Variants in SLC27A4 observed in about 807,000 individuals in gnomAD.
SLC27A4 encodes the protein long-chain fatty acid transport protein 4.
Under a neutral mutation model 64.4 loss-of-function variants are expected in SLC27A4, and 33 were observed. The observed-to-expected ratio is 0.51, with a 90% confidence interval of 0.39 to 0.68. The LOEUF (loss-of-function observed/expected upper bound fraction) is 0.68. SLC27A4 is among the 30% of genes least tolerant of loss of function. The pLI, the probability that SLC27A4 is intolerant of heterozygous loss-of-function variation, is 0.00. For synonymous variants in SLC27A4, 377 were observed against 370.0 expected (o/e 1.02, Z -0.22); for missense variants, 824 against 883.5 (o/e 0.93, Z 0.85).
intron 1 of SLC27A4, chr9:128,342,847 G>A (rs1832596928): frequency 1.8e-6 from 1 of 543,884 alleles, no homozygotes; most frequent in Non-Finnish European, 3.4e-6. Context: ...TCTTGCCCAA[G>A]GTCACTTGGA....
intron 4 of SLC27A4, among the ~76,000 whole-genome samples, chr9:128,349,169 C>A (rs1416093292): frequency 6.6e-6 from 1 of 152,210 alleles, no homozygotes; most frequent in Admixed American, 6.5e-5. Context: ...CCTGACCCCA[C>A]CTCCAGGCAG....
At chr9:128,346,247 G>C (rs1239406140) in intron 3 of SLC27A4, among the ~76,000 whole-genome samples, 2 of 147,448 alleles carry the variant, frequency 1.4e-5, no homozygotes, top group East Asian at 4.0e-4. Context: ...TGTTGTTGTT[G>C]TTTTGAGATA....
chr9:128,346,876 G>A (rs888503499), intron 3 of SLC27A4, among the ~76,000 whole-genome samples: 4 of 151,926 alleles, frequency 2.6e-5, no homozygotes, highest in East Asian at 2.0e-4. Context: ...ATGGTGGTGC[G>A]CACCTGTAGT....
At chr9:128,344,813 C>G (rs986557752) in intron 2 of SLC27A4, among the ~76,000 whole-genome samples, 15 of 152,154 alleles carry the variant, frequency 9.9e-5, no homozygotes, top group African/African-American at 3.6e-4. Context: ...TCTGCTGGAG[C>G]AGCAGGCTGA....
intron 1 of SLC27A4, among the ~76,000 whole-genome samples, chr9:128,341,388 C>T (rs1832569265): frequency 6.6e-6 from 1 of 152,204 alleles, no homozygotes. Context: ...CCCAAGAGTC[C>T]TAGCTCAACC....
chr9:128,349,849 A>G (rs145234829), intron 4 of SLC27A4, among the ~76,000 whole-genome samples: 10 of 152,270 alleles, frequency 6.6e-5, no homozygotes, highest in Admixed American at 3.3e-4. Context: ...TCCTGCAGCT[A>G]ATGCCTCCCT....
chr9:128,350,646 T>C, intron 6 of SLC27A4, 71 bp downstream of exon 6: 1 of 1,178,344 alleles, frequency 8.5e-7, no homozygotes, highest in Non-Finnish European at 1.2e-6. Context: ...CATCAGGCAG[T>C]GTGCTGCAGT....
At chr9:128,350,016 C>G (rs1832710094) in intron 4 of SLC27A4, among the ~76,000 whole-genome samples, 1 of 152,208 alleles carries the variant, frequency 6.6e-6, no homozygotes, top group African/African-American at 2.4e-5. Flanking sequence ...TGCCTGTGTC[C>G]TCATCTGACT....
At position 128,354,375 on chromosome 9, in the gene SLC27A4, T is replaced by C. The variant is rs143438734; in HGVS notation, c.1325-678T>C. ...CTCACTGTGCCTAAGTCCCCTTATCTACAAACTGTGCCCATGGCAGCACCC... is the reference window on the plus strand; with the variant it reads ...CTCACTGTGCCTAAGTCCCCTTATCCACAAACTGTGCCCATGGCAGCACCC... On this transcript the variant is annotated intron_variant, in intron 9 of 12. Coordinates refer to ENST00000300456, the MANE Select transcript of SLC27A4 (RefSeq NM_005094.4). Among the ~76,000 whole-genome samples the C allele has an allele frequency of 1.4e-3, 216 of 152,256 alleles. 1 individual carries two copies. The highest frequency in any genetic ancestry group is 2.3e-3 in the Non-Finnish European group (157 of 68,022).
intron 3 of SLC27A4, among the ~76,000 whole-genome samples, chr9:128,348,047 G>C (rs554008646): frequency 6.6e-6 from 1 of 152,154 alleles, no homozygotes; most frequent in Non-Finnish European, 1.5e-5. Context: ...TGTGATGTCC[G>C]TGCAGTGCGC....
chr9:128,342,840 T>C, intron 1 of SLC27A4: 1 of 533,834 alleles, frequency 1.9e-6, no homozygotes, highest in Non-Finnish European at 3.4e-6. Flanking sequence ...GAAAAGGTCT[T>C]GCCCAAGGTC....
rs138008274 is a variant in SLC27A4 at position 128,360,515 on chromosome 9, G to C, written c.*24G>C. On this transcript the variant is annotated 3_prime_UTR_variant, in exon 13 of 13. Coordinates refer to ENST00000300456, the MANE Select transcript of SLC27A4 (RefSeq NM_005094.4). ...GATTCCCCCCATCCCTCTGAGGGCC[G>C]GCGGATGCTGGATCCGGAGCCCCAG... The C allele has an allele frequency of 6.2e-7, 1 of 1,612,408 alleles. No individual in the cohort carries two copies. Among genetic ancestry groups the C allele is most frequent in the Non-Finnish European group, 8.5e-7 (1 of 1,179,662 alleles).
chr9:128,342,206 C>G lies in SLC27A4; in HGVS notation c.-6-921C>G, dbSNP rs199920819. ...ACCAGACTTCGCTCGTTCTCGCATG[C>G]CTCGCTCCGCTTTTCCTCCGCAACC... On this transcript the variant is annotated intron_variant, in intron 1 of 12. Transcript: ENST00000300456. 45 of 1,584,614 alleles carry G rather than the reference C, an allele frequency of 2.8e-5. No individual in the cohort carries two copies. The African/African-American group carries it at 4.8e-4, about 17-fold the overall frequency.
chr9:128,360,761 G>T lies in SLC27A4; in HGVS notation c.*270G>T. Reference sequence around the variant, plus strand: ...TGAGACTGACGGGTTTTCTCAGGATGATGTCTTGGGTGAGGGTAGGGAGAG... The same window carrying T: ...TGAGACTGACGGGTTTTCTCAGGATTATGTCTTGGGTGAGGGTAGGGAGAG... On this transcript the variant is annotated 3_prime_UTR_variant, in exon 13 of 13. Transcript: ENST00000300456. 2.0e-6 allele frequency: 1 copy of T among 490,858 alleles called. No individual in the cohort carries two copies. The highest frequency in any genetic ancestry group is 2.0e-5 in the South Asian group (1 of 48,884). 30.4% of individuals were successfully genotyped at this position (490,858 alleles called of 1,614,324 possible). A position where few individuals can be genotyped will look rare whatever the true frequency, so the allele number is the denominator to read the frequency against.
At position 128,355,440 on chromosome 9, in the gene SLC27A4, G is replaced by C; in HGVS notation, c.1505G>C (p.Arg502Pro). 6.2e-7 allele frequency: 1 copy of C among 1,613,668 alleles called. No individual in the cohort carries two copies. Among genetic ancestry groups the C allele is most frequent in the East Asian group, 2.2e-5 (1 of 44,870 alleles). Reference protein sequence around the residue: ...VMDELGYLYFRDRTGDTFRWK... With the variant: ...VMDELGYLYFPDRTGDTFRWK... Reference sequence around the variant, plus strand: ...GACGAGCTGGGCTACCTGTACTTCCGAGACCGCACTGGGGACACGTTCCGC... The same window carrying C: ...GACGAGCTGGGCTACCTGTACTTCCCAGACCGCACTGGGGACACGTTCCGC... Residue 502 changes from arginine to proline, a missense_variant, in exon 11 of 13, where the codon CGA becomes CCA. Coordinates refer to ENST00000300456, the MANE Select transcript of SLC27A4 (RefSeq NM_005094.4).
rs779171579 is a variant in SLC27A4 at position 128,360,462 on chromosome 9, C to T, written c.1903C>T (p.Arg635Cys). 9 of 1,614,084 alleles carry T rather than the reference C, an allele frequency of 5.6e-6. No homozygotes were observed. Among genetic ancestry groups the T allele is most frequent in the Middle Eastern group, 1.7e-4 (1 of 6,048 alleles). The change falls in exon 13 of 13, where the codon CGC (arginine) becomes TGC (cysteine). Residue 635 changes from arginine to cysteine, a missense_variant. Arg to Cys is a radical substitution (Grantham distance 180, BLOSUM62 -3). Transcript: ENST00000300456. ...CCCGCTGGACCAAGAGGCCTACAGCCGCATCCAGGCAGGCGAGGAGAAGCT... is the reference window on the plus strand; with the variant it reads ...CCCGCTGGACCAAGAGGCCTACAGCTGCATCCAGGCAGGCGAGGAGAAGCT... ...YVPLDQEAYS[R>C]IQAGEEKL
Position 128,348,557 on chromosome 9 carries a change from T to A in SLC27A4, c.569T>A (p.Val190Asp). 5.0e-6 allele frequency: 8 copies of A among 1,613,088 alleles called. No individual in the cohort carries two copies. Among genetic ancestry groups the A allele is most frequent in the Non-Finnish European group, 5.1e-6 (6 of 1,180,008 alleles). ...GSEMASAICE[V>D]HASLDPSLSL... ...TGTCTCCCCACAGCCATCTGTGAGG[T>A]CCATGCCAGCCTGGACCCCTCGCTC... Residue 190 changes from valine (V) to aspartate (D), a missense_variant, in exon 4 of 13, where the codon GTC becomes GAC. By Grantham distance (152) the Val-to-Asp change is radical. Coordinates refer to ENST00000300456, the MANE Select transcript of SLC27A4 (RefSeq NM_005094.4).
chr9:128,357,832 A>G (rs1588567302), intron 12 of SLC27A4, among the ~76,000 whole-genome samples: 1 of 152,012 alleles, frequency 6.6e-6, no homozygotes, highest in African/African-American at 2.4e-5. Flanking sequence ...GATGGTGGGC[A>G]CTCCCTAGCC....
chr9:128,360,292 G>T, intron 12 of SLC27A4, 42 bp from the exon 13 acceptor site: 1 of 1,612,382 alleles, frequency 6.2e-7, no homozygotes, highest in Non-Finnish European at 8.5e-7. Context: ...CTGGGAGCTC[G>T]GGCCCCTGCC....
Sources: gnomAD v4.1 joint callset for allele counts (sites outside exome capture counted in the v4.1 genomes callset) on GRCh38, gnomAD v4.1.1 for gene constraint, MANE v1.5 for transcripts, NCBI Gene and HGNC (gene_info 2026-07-23, HGNC 2026-07-21) for gene names.